The following FBXO32 variants were observed in gnomAD, a reference collection of about 807,000 sequenced individuals.
FBXO32 encodes F-box only protein 32.
A neutral mutation model predicts 48.3 loss-of-function variants in FBXO32; 15 were observed. That is an observed-to-expected ratio of 0.31 (90% CI 0.21 to 0.48). The LOEUF (loss-of-function observed/expected upper bound fraction) is 0.48. Ranked by LOEUF, FBXO32 falls within the 20% of genes least tolerant of loss-of-function variation. The pLI is 0.99. For missense variants in FBXO32, 309 were observed against 432.7 expected, an observed-to-expected ratio of 0.71 and a Z score of 2.54; for synonymous variants, 154 against 165.9, an observed-to-expected ratio of 0.93 and a Z score of 0.55.
intron 6 of FBXO32, among the ~76,000 whole-genome samples, chr8:123,509,761 T>C (rs1400096290): frequency 6.6e-6 from 1 of 152,004 alleles, no homozygotes; most frequent in Admixed American, 6.6e-5. Context: ...TAAGGCTCCG[T>C]GGGTTCCAGT....
At chr8:123,511,604 T>C (rs1039420495) in intron 6 of FBXO32, among the ~76,000 whole-genome samples, 6 of 151,908 alleles carry the variant, frequency 3.9e-5, no homozygotes, top group African/African-American at 9.7e-5. Context: ...GCCTCCCGAG[T>C]AGCTGGGACT....
At position 123,498,621 on chromosome 8, in the gene FBXO32, C is replaced by T. The variant is rs1816409493; in HGVS notation, c.*4752G>A. Reference sequence around the variant, plus strand: ...AATGCACTGAATCTCATAGCTGGTCCTGAAGGAGGAAATGGAGAAGATGGA... The same window carrying T: ...AATGCACTGAATCTCATAGCTGGTCTTGAAGGAGGAAATGGAGAAGATGGA... On this transcript the variant is annotated 3_prime_UTR_variant, in exon 9 of 9. Coordinates refer to ENST00000517956, the MANE Select transcript of FBXO32 (RefSeq NM_058229.4). The T allele has an allele frequency of 6.6e-6, 1 of 152,138 alleles. No individual in the cohort carries two copies. Among genetic ancestry groups the T allele is most frequent in the Admixed American group, 6.5e-5 (1 of 15,282 alleles). The allele number at this position is 152,138 out of a possible 1,614,324, so 9.4% of individuals were successfully genotyped here. A position where few individuals can be genotyped will look rare whatever the true frequency, so the allele number is the denominator to read the frequency against.
rs1397307864 is a variant in FBXO32 at position 123,534,784 on chromosome 8, C to T, written c.147G>A (p.Glu49=). The T allele has an allele frequency of 6.2e-7, 1 of 1,613,492 alleles. No homozygotes were observed. The highest frequency in any genetic ancestry group is 1.1e-5 in the South Asian group (1 of 91,034). The change falls in exon 2 of 9, where the codon GAG becomes GAA. Residue 49 remains glutamate, a synonymous_variant. Coordinates refer to ENST00000517956, the MANE Select transcript of FBXO32 (RefSeq NM_058229.4). ...CATAGTTCAGGCTGTTGAAAAGATT[C>T]TCCTTATTGTATACCTCCTTGTTGC... ...SYCNKEVYNK[E]NLFNSLNYDV...
chr8:123,537,675 C>T (rs1320980612), intron 1 of FBXO32, among the ~76,000 whole-genome samples: 1 of 152,186 alleles, frequency 6.6e-6, no homozygotes, highest in African/African-American at 2.4e-5. Flanking sequence ...ACAAGGCTAG[C>T]ACCCGGAATG....
chr8:123,503,088 GA>G lies in FBXO32; in HGVS notation c.*284del. 1 of 233,590 alleles carries G rather than the reference GA, an allele frequency of 4.3e-6. No homozygotes were observed. Among genetic ancestry groups the G allele is most frequent in the Non-Finnish European group, 8.3e-6 (1 of 120,252 alleles). The allele number at this position is 233,590 out of a possible 1,614,324, so 14.5% of individuals were successfully genotyped here. A position where few individuals can be genotyped will look rare whatever the true frequency, so the allele number is the denominator to read the frequency against. ...TTAAGAGGACTCCATTTTCACCGCT[GA>G]AATAGAATTATTGCCCTTATAGTCT... On this transcript the variant is annotated 3_prime_UTR_variant, in exon 9 of 9. Transcript: ENST00000517956.
rs1816617658 is a variant in FBXO32, at chr8:123,506,316, G to C, written c.834+76C>G. The C allele has an allele frequency of 2.0e-6, 3 of 1,509,902 alleles. No individual in the cohort carries two copies. The highest frequency in any genetic ancestry group is 4.7e-5 in the East Asian group (2 of 42,894). 93.5% of individuals were successfully genotyped at this position (1,509,902 alleles called of 1,614,324 possible). A position where few individuals can be genotyped will look rare whatever the true frequency, so the allele number is the denominator to read the frequency against. ...TAGGGGGAACCCAGACCTCAGGCTT[G>C]AGCAGGGCACCAAGGAAGTTTGGGG... On this transcript the variant is annotated intron_variant, in intron 7 of 8. Transcript: ENST00000517956. This position sits in a 1 kb window ranked among gnomAD's most constrained non-coding sequence, Gnocchi z 4.0.
At chr8:123,529,354 C>T (rs1394853979) in intron 4 of FBXO32, among the ~76,000 whole-genome samples, 3 of 152,134 alleles carry the variant, frequency 2.0e-5, no homozygotes, top group Non-Finnish European at 2.9e-5. Flanking sequence ...AACTGAAAAG[C>T]GTTTTAGGGG....
chr8:123,533,271 A>C lies in FBXO32; in HGVS notation c.230-31T>G, dbSNP rs1324295650. The C allele has an allele frequency of 2.0e-6, 3 of 1,479,910 alleles. No individual in the cohort carries two copies. The East Asian group carries it at 6.8e-5, about 33-fold the overall frequency. 91.7% of individuals were successfully genotyped at this position (1,479,910 alleles called of 1,614,324 possible). On this transcript the variant is annotated intron_variant, in intron 2 of 8. Coordinates refer to ENST00000517956, the MANE Select transcript of FBXO32 (RefSeq NM_058229.4). ...GAGACAAAAAGAATACACAGCTTTA[A>C]CATCTGCAACATGCTCAAGATTTAA...
chr8:123,510,326 T>C (rs920563553), intron 6 of FBXO32, among the ~76,000 whole-genome samples: 1 of 152,138 alleles, frequency 6.6e-6, no homozygotes, highest in African/African-American at 2.4e-5. Context: ...AATCCTGCAG[T>C]TGGGGCCGGG....
rs1816519974 is a variant in FBXO32 at position 123,502,603 on chromosome 8, CAT to C, written c.*768_*769del. 5.9e-5 allele frequency: 9 copies of C among 152,358 alleles called. No homozygotes were observed. In the South Asian group the frequency reaches 1.7e-3, roughly 28 times the overall value. 9.4% of individuals were successfully genotyped at this position (152,358 alleles called of 1,614,324 possible). A position where few individuals can be genotyped will look rare whatever the true frequency, so the allele number is the denominator to read the frequency against. ...CTACAACATGACAGGAAAAAAGGAA[CAT>C]GTGCTTTTGGGTTGTTCTGGTGAAC... On this transcript the variant is annotated 3_prime_UTR_variant, in exon 9 of 9. Transcript: ENST00000517956.
At position 123,513,658 on chromosome 8, in the gene FBXO32, T is replaced by A. The variant is rs938221993; in HGVS notation, c.467-276A>T. Reference sequence around the variant, plus strand: ...CTTTTCATTGTTCTCCCAGCAGCCATGGTTCACCTGATCAGAAAGCCACTC... The same window carrying A: ...CTTTTCATTGTTCTCCCAGCAGCCAAGGTTCACCTGATCAGAAAGCCACTC... On this transcript the variant is annotated intron_variant, in intron 5 of 8. Coordinates refer to ENST00000517956, the MANE Select transcript of FBXO32 (RefSeq NM_058229.4). The surrounding 1 kb of genome is among the most constrained non-coding windows in gnomAD (Gnocchi z 4.3). Among the ~76,000 whole-genome samples the A allele has an allele frequency of 6.6e-6, 1 of 152,190 alleles. No individual in the cohort carries two copies. Among genetic ancestry groups the A allele is most frequent in the African/African-American group, 2.4e-5 (1 of 41,452 alleles).
chr8:123,510,634 A>T (rs1027722106), intron 6 of FBXO32, among the ~76,000 whole-genome samples: 1 of 151,988 alleles, frequency 6.6e-6, no homozygotes, highest in African/African-American at 2.4e-5. Context: ...ACAGCTGGTA[A>T]ATTATTATCA....
rs928980293 is a variant in FBXO32, at chr8:123,501,747, T to C, written c.*1626A>G. 2.0e-5 allele frequency: 3 copies of C among 152,168 alleles called. No homozygotes were observed. The highest frequency in any genetic ancestry group is 6.5e-5 in the Admixed American group (1 of 15,274). The allele number at this position is 152,168 out of a possible 1,614,324, so 9.4% of individuals were successfully genotyped here. On this transcript the variant is annotated 3_prime_UTR_variant, in exon 9 of 9. Coordinates refer to ENST00000517956, the MANE Select transcript of FBXO32 (RefSeq NM_058229.4). ...TCCAGGTCACCCAAAGCTCAGCTCT[T>C]AAAGATACACTGTTCCTCAACTTGA... is the stretch of plus-strand genomic sequence containing the variant.
At chr8:123,511,792 A>G (rs1816740865) in intron 6 of FBXO32, among the ~76,000 whole-genome samples, 1 of 152,102 alleles carries the variant, frequency 6.6e-6, no homozygotes. Context: ...GATCGTCTAA[A>G]TGGGTGTTCT....
At chr8:123,516,004 A>G (rs959734794) in intron 4 of FBXO32, among the ~76,000 whole-genome samples, 5 of 152,212 alleles carry the variant, frequency 3.3e-5, no homozygotes, top group African/African-American at 1.2e-4. Context: ...AAAATAAAAA[A>G]TAAAAAACAA....
Position 123,499,580 on chromosome 8 carries a change from T to C in FBXO32, c.*3793A>G, listed in dbSNP as rs1002262688. 1 of 152,152 alleles carries C rather than the reference T, an allele frequency of 6.6e-6. No individual in the cohort carries two copies. Among genetic ancestry groups the C allele is most frequent in the African/African-American group, 2.4e-5 (1 of 41,442 alleles). The allele number at this position is 152,152 out of a possible 1,614,324, so 9.4% of individuals were successfully genotyped here. ...TCACACATAAAATAGAGTGTTTGCA[T>C]AGCAAGACATTATTGCCCTTCAGCC... On this transcript the variant is annotated 3_prime_UTR_variant, in exon 9 of 9. Coordinates refer to ENST00000517956, the MANE Select transcript of FBXO32 (RefSeq NM_058229.4).
intron 1 of FBXO32, among the ~76,000 whole-genome samples, chr8:123,537,524 T>C (rs1175780213): frequency 6.6e-6 from 1 of 152,178 alleles, no homozygotes; most frequent in Non-Finnish European, 1.5e-5. Context: ...TAAAGCCCTA[T>C]TTCTCATTTC....
rs989303162 is a variant in FBXO32 at position 123,525,005 on chromosome 8, C to G, written c.372+6893G>C. 6.6e-6 allele frequency among the ~76,000 whole-genome samples: 1 copy of G among 152,220 alleles called. No individual in the cohort carries two copies. On this transcript the variant is annotated intron_variant, in intron 4 of 8. Coordinates refer to ENST00000517956, the MANE Select transcript of FBXO32 (RefSeq NM_058229.4). This position sits in a 1 kb window ranked among gnomAD's most constrained non-coding sequence, Gnocchi z 4.3. ...ATCCAAGGTCACTGTGGCAGAGGAA[C>G]CTGTGTGAAGGGGCCAGGATGCTGA...
chr8:123,513,974 T>A lies in FBXO32; in HGVS notation c.466+266A>T, dbSNP rs941531166. 5.2e-6 allele frequency: 2 copies of A among 385,230 alleles called. No individual in the cohort carries two copies. Among genetic ancestry groups the A allele is most frequent in the African/African-American group, 4.1e-5 (2 of 48,218 alleles). The allele number at this position is 385,230 out of a possible 1,614,324, so 23.9% of individuals were successfully genotyped here. On this transcript the variant is annotated intron_variant, in intron 5 of 8. Coordinates refer to ENST00000517956, the MANE Select transcript of FBXO32 (RefSeq NM_058229.4). The surrounding 1 kb of genome is among the most constrained non-coding windows in gnomAD (Gnocchi z 4.3). ...GGTAGCCAGTGTTGGGACCTGTGTC[T>A]ACACTGAGAAGCCTACGAGGCTTAT...
Sources: allele counts gnomAD v4.1 joint callset (sites outside exome capture counted in the v4.1 genomes callset), GRCh38; gene constraint gnomAD v4.1.1; non-coding constraint Gnocchi (gnomAD v3.1); transcripts MANE v1.5; gene names NCBI Gene and HGNC (gene_info 2026-07-23, HGNC 2026-07-21).